Variants in BTLA observed in about 807,000 individuals in gnomAD.
BTLA encodes the protein B- and T-lymphocyte attenuator.
BTLA carries 11 observed loss-of-function variants against 25.0 expected under a neutral mutation model. The observed-to-expected ratio is 0.44, with a 90% CI of 0.28 to 0.73. BTLA has a LOEUF of 0.73. BTLA is among the 30% of genes least tolerant of loss of function. BTLA has a pLI of 0.15. For missense variants in BTLA, 282 were observed against 332.8 expected (o/e 0.85, Z 1.19); for synonymous variants, 104 against 119.8 (o/e 0.87, Z 0.86).
intron 2 of BTLA, among the ~76,000 whole-genome samples, chr3:112,472,465 G>A (rs766612043): frequency 6.6e-6 from 1 of 152,012 alleles, no homozygotes; most frequent in Non-Finnish European, 1.5e-5. Context: ...GGGAGGCCGA[G>A]GTAGGCGGAT....
chr3:112,498,267 C>T (rs2082420983), intron 1 of BTLA, among the ~76,000 whole-genome samples: 1 of 151,596 alleles, frequency 6.6e-6, no homozygotes, highest in African/African-American at 2.4e-5. Context: ...ATTAGCTGTG[C>T]GTGGTGGAAG....
rs1028793083 is a variant in BTLA, at chr3:112,477,977, C to T, written c.403+1478G>A. 2.7e-5 allele frequency among the ~76,000 whole-genome samples: 4 copies of T among 150,528 alleles called. No individual in the cohort carries two copies. In the South Asian group the frequency reaches 8.5e-4, roughly 32 times the overall value. ...GACTCTCAATTCTATTTACATTGAT[C>T]TCTTTGTCTATCCATGACAATACTA... On this transcript the variant is annotated intron_variant, in intron 2 of 4. Coordinates refer to ENST00000334529, the MANE Select transcript of BTLA (RefSeq NM_181780.4).
intron 1 of BTLA, among the ~76,000 whole-genome samples, chr3:112,485,734 C>G (rs1229113948): frequency 6.6e-6 from 1 of 152,122 alleles, no homozygotes; most frequent in Non-Finnish European, 1.5e-5. Context: ...CTTATTATCT[C>G]TGCTGTTTTT....
At chr3:112,496,446 T>C (rs1242203642) in intron 1 of BTLA, among the ~76,000 whole-genome samples, 2 of 152,154 alleles carry the variant, frequency 1.3e-5, no homozygotes, top group East Asian at 3.8e-4. Flanking sequence ...CCTTATTATA[T>C]ATGCAGCCTC....
At chr3:112,468,169 GT>G (rs2082240382) in intron 4 of BTLA, among the ~76,000 whole-genome samples, 1 of 152,204 alleles carries the variant, frequency 6.6e-6, no homozygotes, top group African/African-American at 2.4e-5. Flanking sequence ...TATAGTATAT[GT>G]TTAGATGTAA....
chr3:112,474,731 G>A (rs907583651), intron 2 of BTLA, among the ~76,000 whole-genome samples: 4 of 152,166 alleles, frequency 2.6e-5, no homozygotes, highest in African/African-American at 9.7e-5. Context: ...TGAAAGGAGG[G>A]GTAGAATTTC....
chr3:112,493,813 T>G (rs1311257175), intron 1 of BTLA, among the ~76,000 whole-genome samples: 1 of 148,784 alleles, frequency 6.7e-6, no homozygotes, highest in African/African-American at 2.5e-5. Flanking sequence ...AAACAGACAC[T>G]TCTCAAAAGA....
At chr3:112,496,635 C>A (rs2082410489) in intron 1 of BTLA, among the ~76,000 whole-genome samples, 1 of 152,214 alleles carries the variant, frequency 6.6e-6, no homozygotes, top group South Asian at 2.1e-4. Flanking sequence ...GAGCCATCAG[C>A]TCTGCCTGGG....
rs1576674780 is a variant in BTLA at position 112,466,152 on chromosome 3, T to G, written c.826A>C (p.Lys276Gln). The change falls in exon 5 of 5, where the codon AAA becomes CAA. Residue 276 changes from lysine (K) to glutamine (Q), a missense_variant. By Grantham distance (53) the Lys-to-Gln change is moderately conservative. This residue lies in a region of BTLA where 119 missense variants were observed against 102.3 expected (regional missense o/e 1.16). Transcript: ENST00000334529. ...GATGCATATTCTGTTGGTGCTTCTT[T>G]TACATTTCTTGCCAGTCTTGAGTTC... ...GPNSRLARNV[K>Q]EAPTEYASIC... The G allele has an allele frequency of 6.2e-7, 1 of 1,609,952 alleles. No individual in the cohort carries two copies. The highest frequency in any genetic ancestry group is 1.3e-5 in the African/African-American group (1 of 75,038).
chr3:112,490,937 G>C (rs1405359565), intron 1 of BTLA, among the ~76,000 whole-genome samples: 3 of 152,104 alleles, frequency 2.0e-5, no homozygotes, highest in Non-Finnish European at 4.4e-5. Flanking sequence ...TGTTAGTGTA[G>C]TATGACTATT....
At chr3:112,491,307 T>C (rs1042411054) in intron 1 of BTLA, among the ~76,000 whole-genome samples, 55 of 152,258 alleles carry the variant, frequency 3.6e-4, no homozygotes, top group African/African-American at 1.1e-3. Flanking sequence ...ATTATCTATA[T>C]ACTGTAGACC....
At chr3:112,486,123 C>A (rs2082346328) in intron 1 of BTLA, among the ~76,000 whole-genome samples, 1 of 152,062 alleles carries the variant, frequency 6.6e-6, no homozygotes, top group Non-Finnish European at 1.5e-5. Flanking sequence ...TCTCAAAAAA[C>A]AAACCAACAA....
At chr3:112,489,635 T>C (rs1315732341) in intron 1 of BTLA, among the ~76,000 whole-genome samples, 1 of 152,182 alleles carries the variant, frequency 6.6e-6, no homozygotes, top group East Asian at 1.9e-4. Flanking sequence ...TTTGAGAAAC[T>C]AAAATGATTA....
At chr3:112,492,897 A>G (rs1486684088) in intron 1 of BTLA, among the ~76,000 whole-genome samples, 1 of 152,146 alleles carries the variant, frequency 6.6e-6, no homozygotes, top group African/African-American at 2.4e-5. Context: ...GAAAAAAGAA[A>G]TTAAAGAGCT....
rs2082222527 is a variant in BTLA at position 112,465,876 on chromosome 3, G to A, written c.*232C>T. 2.5e-6 allele frequency: 1 copy of A among 398,208 alleles called. No homozygotes were observed. Among genetic ancestry groups the A allele is most frequent in the African/African-American group, 2.0e-5 (1 of 49,150 alleles). The allele number at this position is 398,208 out of a possible 1,614,324, so 24.7% of individuals were successfully genotyped here. The stretch of plus-strand genomic sequence containing the variant: ...ATTCTGCTACTCATGATGTCAACCA[G>A]TTTTGGAGAGATTTTGTTATTCAAG... On this transcript the variant is annotated 3_prime_UTR_variant, in exon 5 of 5. Coordinates refer to ENST00000334529, the MANE Select transcript of BTLA (RefSeq NM_181780.4).
chr3:112,479,425 T>C (rs766156240), intron 2 of BTLA, 30 bp downstream of exon 2: 51 of 1,552,940 alleles, frequency 3.3e-5, no homozygotes, highest in Non-Finnish European at 4.0e-5. Flanking sequence ...ATAAGAAAAA[T>C]ATCAGATGGT....
intron 1 of BTLA, among the ~76,000 whole-genome samples, chr3:112,487,802 C>T (rs925563881): frequency 4.6e-5 from 7 of 152,142 alleles, no homozygotes; most frequent in African/African-American, 1.4e-4. Context: ...TATAATCTCT[C>T]AGAGCTTTCA....
At chr3:112,485,114 G>A (rs2082339106) in intron 1 of BTLA, among the ~76,000 whole-genome samples, 1 of 151,692 alleles carries the variant, frequency 6.6e-6, no homozygotes, top group East Asian at 1.9e-4. Context: ...ATGCAATTTC[G>A]GCTCACTGCA....
At position 112,465,373 on chromosome 3, in the gene BTLA, A is replaced by C. The variant is rs2082219637; in HGVS notation, c.*735T>G. 6.6e-6 allele frequency: 1 copy of C among 152,600 alleles called. No homozygotes were observed. The highest frequency in any genetic ancestry group is 6.5e-5 in the Admixed American group (1 of 15,278). The allele number at this position is 152,600 out of a possible 1,614,324, so 9.5% of individuals were successfully genotyped here. ...GCAGCATTATGTCACATTCCTATCC[A>C]TTAGTCTATGTGACCCAGTGAGTCT... On this transcript the variant is annotated 3_prime_UTR_variant, in exon 5 of 5. Coordinates refer to ENST00000334529, the MANE Select transcript of BTLA (RefSeq NM_181780.4).
Sources: gnomAD v4.1 joint callset for allele counts (sites outside exome capture counted in the v4.1 genomes callset) on GRCh38, gnomAD v4.1.1 for gene constraint, gnomAD v4.1.1 regional missense constraint, MANE v1.5 for transcripts, NCBI Gene and HGNC (gene_info 2026-07-23, HGNC 2026-07-21) for gene names.